The following EDARADD variants were observed in gnomAD, a reference collection of about 807,000 sequenced individuals.
EDARADD encodes EDAR associated via death domain.
Under a neutral mutation model 25.6 loss-of-function variants are expected in EDARADD, and 20 were observed. The ratio of observed to expected loss-of-function variants is 0.78; its 90% CI spans 0.55 to 1.14. The LOEUF (loss-of-function observed/expected upper bound fraction) is 1.14. EDARADD is among the 50% of genes most tolerant of loss of function. The probability of loss-of-function intolerance (pLI) is 0.00; values close to 1 mark genes in which losing one functional copy is unlikely to be tolerated. For synonymous variants in EDARADD, 86 were observed against 94.4 expected (o/e 0.91, Z 0.52); for missense variants, 225 against 270.1 (o/e 0.83, Z 1.17).
At chr1:236,462,016 A>G (rs960246863) in intron 4 of EDARADD, among the ~76,000 whole-genome samples, 1 of 152,186 alleles carries the variant, frequency 6.6e-6, no homozygotes, top group Non-Finnish European at 1.5e-5. Context: ...ACCATAGTCT[A>G]CAAAATAGAC....
At chr1:236,380,440 G>T (rs1667285021) in intron 3 of EDARADD, among the ~76,000 whole-genome samples, 1 of 151,312 alleles carries the variant, frequency 6.6e-6, no homozygotes, top group African/African-American at 2.4e-5. Flanking sequence ...CTAAATGTTT[G>T]GAACAGATTA....
intron 4 of EDARADD, among the ~76,000 whole-genome samples, chr1:236,438,749 C>T (rs1039942401): frequency 2.6e-5 from 4 of 152,156 alleles, no homozygotes; most frequent in Admixed American, 6.5e-5. Flanking sequence ...TTCCCATTCA[C>T]TCCCTGCCCC....
chr1:236,390,387 C>G (rs1196169165), upstream of EDARADD, among the ~76,000 whole-genome samples: 3 of 152,146 alleles, frequency 2.0e-5, no homozygotes, highest in Middle Eastern at 3.4e-3. Context: ...AACCCCATCT[C>G]TACTAAAAAT....
At chr1:236,458,600 G>T (rs1658939429) in intron 4 of EDARADD, among the ~76,000 whole-genome samples, 1 of 149,138 alleles carries the variant, frequency 6.7e-6, no homozygotes, top group African/African-American at 2.5e-5. Context: ...ATGATTTTCA[G>T]TAATTTTTAC....
chr1:236,461,010 C>T (rs1333721003), intron 4 of EDARADD, among the ~76,000 whole-genome samples: 4 of 151,982 alleles, frequency 2.6e-5, no homozygotes, highest in Non-Finnish European at 5.9e-5. Flanking sequence ...TTAGTAAAGA[C>T]GGGGTTTCAT....
At chr1:236,411,735 G>A (rs1657490615) in intron 2 of EDARADD, among the ~76,000 whole-genome samples, 3 of 151,956 alleles carry the variant, frequency 2.0e-5, no homozygotes, top group Admixed American at 2.0e-4. Context: ...ATTTTTAGTA[G>A]AGACGGGGTT....
At chr1:236,356,404 G>C in intron 3 of EDARADD, among the ~76,000 whole-genome samples, 1 of 152,248 alleles carries the variant, frequency 6.6e-6, no homozygotes, top group East Asian at 1.9e-4. Flanking sequence ...TATGTTTACC[G>C]GGCACTCTGG....
At chr1:236,363,006 A>AAAAAAATATATATATATAT (rs1377112051) in intron 3 of EDARADD, among the ~76,000 whole-genome samples, 1 of 42,950 alleles carries the variant, frequency 2.3e-5, no homozygotes, top group African/African-American at 1.1e-4. Flanking sequence ...AAAAAAAAAA[A>AAAAAAATATATATATATAT]ATATATATAT....
In EDARADD at chr1:236,483,914, G is replaced by A. The variant is rs959307999; in HGVS notation, c.*1265G>A. 5.1e-6 allele frequency: 7 copies of A among 1,377,088 alleles called. No individual in the cohort carries two copies. In the African/African-American group the frequency reaches 1.0e-4, roughly 20 times the overall value. 85.3% of individuals were successfully genotyped at this position (1,377,088 alleles called of 1,614,324 possible). On this transcript the variant is annotated 3_prime_UTR_variant, in exon 6 of 6. Transcript: ENST00000334232. ...TCAGCATGGACGTAGAGGCCTCCGA[G>A]TTCTTCAGGTCTGGAAAGTATGACC...
chr1:236,467,042 G>A (rs1385645456), intron 4 of EDARADD, among the ~76,000 whole-genome samples: 1 of 151,758 alleles, frequency 6.6e-6, no homozygotes, highest in African/African-American at 2.4e-5. Flanking sequence ...CTCCAGCCTG[G>A]GCGACAGAGC....
chr1:236,389,003 C>T (rs1405772686), intron 3 of EDARADD, among the ~76,000 whole-genome samples: 1 of 38,430 alleles, frequency 2.6e-5, no homozygotes, highest in Non-Finnish European at 6.3e-5. Flanking sequence ...AAGCAAACAT[C>T]CCTCAAAAAA....
At chr1:236,382,831 C>T (rs761988497) in intron 3 of EDARADD, among the ~76,000 whole-genome samples, 4 of 152,196 alleles carry the variant, frequency 2.6e-5, no homozygotes, top group Non-Finnish European at 5.9e-5. Flanking sequence ...GCACCAGGCA[C>T]GGTTCCCTCT....
intron 4 of EDARADD, among the ~76,000 whole-genome samples, chr1:236,441,586 C>T (rs965491301): frequency 6.7e-5 from 10 of 150,368 alleles, no homozygotes; most frequent in South Asian, 2.1e-4. Flanking sequence ...TGCAATGGTG[C>T]GATCTCCGCT....
chr1:236,480,176 T>TA (rs1370253990), intron 5 of EDARADD, among the ~76,000 whole-genome samples: 1 of 148,208 alleles, frequency 6.7e-6, no homozygotes. Flanking sequence ...CATGTAGTTC[T>TA]AATCGTAGAA....
intron 3 of EDARADD, among the ~76,000 whole-genome samples, chr1:236,364,468 T>C (rs143764658): frequency 8.5e-4 from 129 of 152,322 alleles, no homozygotes; most frequent in Middle Eastern, 3.4e-3. Flanking sequence ...TTACTTTGAA[T>C]AGATAGATCA....
chr1:236,412,835 C>T (rs928444086), intron 2 of EDARADD, among the ~76,000 whole-genome samples: 39 of 152,168 alleles, frequency 2.6e-4, no homozygotes, highest in African/African-American at 9.4e-4. Context: ...AAAACTCAGT[C>T]TATCTGAGGA....
chr1:236,363,002 A>T lies in EDARADD; in HGVS notation c.-6+12163A>T, dbSNP rs866269075. Among the ~76,000 whole-genome samples the T allele has an allele frequency of 3.3e-3, 192 of 57,952 alleles. 1 individual carries two copies. The highest frequency in any genetic ancestry group is 0.02 in the East Asian group (12 of 610). 38.0% of individuals were successfully genotyped at this position (57,952 alleles called of 152,430 possible). A position where few individuals can be genotyped will look rare whatever the true frequency, so the allele number is the denominator to read the frequency against. On this transcript the variant is annotated intron_variant, in intron 3 of 7. Transcript: ENST00000439430. ...CTTTTTTTAAGAAAAAAAAAAAAAA[A>T]AAAAATATATATATATATATATATA...
chr1:236,474,181 C>T (rs1014096239), intron 5 of EDARADD, among the ~76,000 whole-genome samples: 3 of 152,106 alleles, frequency 2.0e-5, no homozygotes, highest in Non-Finnish European at 4.4e-5. Flanking sequence ...TTATGCTTGT[C>T]AAGGACTCAG....
rs114525486 is a variant in EDARADD at position 236,410,004 on chromosome 1, C to T, written c.120+730C>T. On this transcript the variant is annotated intron_variant, in intron 2 of 5. Transcript: ENST00000334232. ...GAGCCACATCCTCTCCCCACCCTCC[C>T]GTAACCATTCTGAGGCTATTGCTTT... Among the ~76,000 whole-genome samples, 1,055 of 152,236 alleles carry T rather than the reference C, an allele frequency of 6.9e-3. 10 individuals are homozygous for T. Among genetic ancestry groups the T allele is most frequent in the African/African-American group, 0.023 (937 of 41,534 alleles).
Sources: allele counts gnomAD v4.1 joint callset (sites outside exome capture counted in the v4.1 genomes callset), GRCh38; gene constraint gnomAD v4.1.1; transcripts MANE v1.5; gene names NCBI Gene and HGNC (gene_info 2026-07-23, HGNC 2026-07-21).